PLD1: variants seen among roughly 807,000 people sequenced by gnomAD.
The protein encoded by PLD1 is choline phosphatase 1.
PLD1 carries 112 observed loss-of-function variants against 137.1 expected under a neutral mutation model. That is an observed-to-expected ratio of 0.82 (90% CI 0.70 to 0.96). The LOEUF is 0.96. Among genes scored for constraint, PLD1 ranks in the 40% least tolerant of loss-of-function variants. The probability of loss-of-function intolerance (pLI) is 0.00; values close to 1 mark genes in which losing one functional copy is unlikely to be tolerated. For missense variants in PLD1, 1,321 were observed against 1,342.0 expected (o/e 0.98, Z 0.24); for synonymous variants, 431 against 454.7 (o/e 0.95, Z 0.66).
intron 26 of PLD1, 133 bp from the exon 27 acceptor site, chr3:171,603,435 G>A: frequency 1.6e-6 from 1 of 641,264 alleles, no homozygotes; most frequent in Non-Finnish European, 2.7e-6. Context: ...TTACAGCACA[G>A]ACCTGATTTA....
intron 21 of PLD1, among the ~76,000 whole-genome samples, chr3:171,652,155 T>C (rs1211338436): frequency 6.6e-6 from 1 of 152,062 alleles, no homozygotes; most frequent in African/African-American, 2.4e-5. Context: ...GGCTCATGCC[T>C]GTAATCCCAG....
At chr3:171,619,482 C>A (rs1367297848) in intron 24 of PLD1, among the ~76,000 whole-genome samples, 1 of 152,148 alleles carries the variant, frequency 6.6e-6, no homozygotes, top group African/African-American at 2.4e-5. Context: ...TAGTGCAGGG[C>A]TACATCCTAT....
At chr3:171,783,704 A>G (rs7638225) in intron 1 of PLD1, among the ~76,000 whole-genome samples, 124,500 of 152,076 alleles carry the variant, frequency 0.82, 51,283 homozygotes, top group Middle Eastern at 0.94. Flanking sequence ...GTACAGTAGT[A>G]CAATCACGGT....
At chr3:171,784,368 A>AG (rs1722909337) in intron 1 of PLD1, among the ~76,000 whole-genome samples, 2 of 149,988 alleles carry the variant, frequency 1.3e-5, no homozygotes, top group South Asian at 2.1e-4. Context: ...CATTCTCAGA[A>AG]GGAAAAAAAA....
chr3:171,779,964 A>G (rs1199218421), intron 1 of PLD1, among the ~76,000 whole-genome samples: 1 of 151,624 alleles, frequency 6.6e-6, no homozygotes, highest in Non-Finnish European at 1.5e-5. Context: ...GGGTTAGGAT[A>G]TGTAAGTCTG....
intron 13 of PLD1, among the ~76,000 whole-genome samples, chr3:171,689,242 T>A (rs371210168): frequency 3.9e-5 from 6 of 152,074 alleles, no homozygotes; most frequent in African/African-American, 1.4e-4. Context: ...ATTTAACTAC[T>A]ATTTATCTCT....
rs1195724806 is a variant in PLD1 at position 171,612,497 on chromosome 3, C to T, written c.2729-65G>A. On this transcript the variant is annotated intron_variant, in intron 24 of 26. Coordinates refer to ENST00000351298, the MANE Select transcript of PLD1 (RefSeq NM_002662.5). This position sits in a 1 kb window ranked among gnomAD's most constrained non-coding sequence, Gnocchi z 4.1. ...GTGGCAGACACTGTTGGTTGCCCTC[C>T]CAACTCAATTCATCCTTGCAAACAA... is the stretch of plus-strand genomic sequence containing the variant. The T allele has an allele frequency of 7.5e-6, 11 of 1,458,018 alleles. No individual in the cohort carries two copies. The highest frequency in any genetic ancestry group is 1.1e-5 in the Non-Finnish European group (11 of 1,043,722). The allele number at this position is 1,458,018 out of a possible 1,614,324, so 90.3% of individuals were successfully genotyped here.
Position 171,686,771 on chromosome 3 carries a change from T to C in PLD1, c.1781A>G (p.His594Arg), listed in dbSNP as rs1453292556. 6.3e-7 allele frequency: 1 copy of C among 1,583,778 alleles called. No individual in the cohort carries two copies. The highest frequency in any genetic ancestry group is 1.1e-5 in the South Asian group (1 of 90,462). Residue 594 changes from histidine (H) to arginine (R), a missense_variant, in exon 16 of 27, where the codon CAC becomes CGC. Transcript: ENST00000351298. ...SSYFNHYRSH[H>R]NLIHGLKPHF... ...GGGTTTTAAACCATGGATTAAATTGTGATGACTTCTATAGTGATTAAAATA... is the reference window on the plus strand; with the variant it reads ...GGGTTTTAAACCATGGATTAAATTGCGATGACTTCTATAGTGATTAAAATA...
chr3:171,779,583 G>A (rs1722710731), intron 1 of PLD1, among the ~76,000 whole-genome samples: 1 of 152,194 alleles, frequency 6.6e-6, no homozygotes, highest in Non-Finnish European at 1.5e-5. Flanking sequence ...TAAGTTTGAG[G>A]CTTGGATACA....
intron 7 of PLD1, 42 bp from the exon 8 acceptor site, chr3:171,724,830 C>T (rs1718384222): frequency 2.5e-6 from 3 of 1,223,072 alleles, no homozygotes; most frequent in Non-Finnish European, 3.6e-6. Flanking sequence ...TCAAATTTCC[C>T]ACTCCCACTT....
intron 1 of PLD1, among the ~76,000 whole-genome samples, chr3:171,748,154 T>A (rs970345283): frequency 6.6e-6 from 1 of 152,208 alleles, no homozygotes; most frequent in African/African-American, 2.4e-5. Flanking sequence ...TTCCTGCCCC[T>A]GTAAATGACA....
chr3:171,646,207 C>T (rs1292784439), intron 21 of PLD1, among the ~76,000 whole-genome samples: 1 of 152,200 alleles, frequency 6.6e-6, no homozygotes, highest in African/African-American at 2.4e-5. Context: ...GTGACATACA[C>T]TGTGATCAAT....
intron 1 of PLD1, among the ~76,000 whole-genome samples, chr3:171,759,695 T>C (rs888044978): frequency 2.0e-5 from 3 of 152,278 alleles, no homozygotes; most frequent in African/African-American, 7.2e-5. Flanking sequence ...TTTGTGTTTA[T>C]ACACATACCG....
chr3:171,729,241 T>C (rs1718755896), intron 6 of PLD1, among the ~76,000 whole-genome samples: 1 of 152,182 alleles, frequency 6.6e-6, no homozygotes, highest in South Asian at 2.1e-4. Context: ...AAGGAATTTG[T>C]AAAATATGAA....
chr3:171,664,556 C>G (rs960120614), intron 19 of PLD1, among the ~76,000 whole-genome samples: 6 of 151,512 alleles, frequency 4.0e-5, no homozygotes, highest in Admixed American at 2.6e-4. Context: ...CTCCTGGGAT[C>G]AAGTGATTCT....
Position 171,750,807 on chromosome 3 carries a change from G to C in PLD1, c.-31-12725C>G, listed in dbSNP as rs528145123. On this transcript the variant is annotated intron_variant, in intron 1 of 26. Transcript: ENST00000351298. ...TGCTTTTCCTCAAAGGAAATCTACT[G>C]ATTCAAATTCCTAAGAATTTCTTAC... 7.2e-5 allele frequency among the ~76,000 whole-genome samples: 11 copies of C among 152,256 alleles called. No homozygotes were observed. The South Asian group carries it at 2.3e-3, about 32-fold the overall frequency.
chr3:171,688,760 T>C lies in PLD1; in HGVS notation c.1455A>G (p.Gly485=), dbSNP rs1287359713. ...GTCTGTGCTCATTGTCGTCCCACCT[T>C]CCATAGGCCAGGTCAATCCCTCCCA... The part of the protein sequence containing the change: ...AFVGGIDLAY[G]RWDDNEHRLT... Residue 485 remains glycine, a synonymous_variant, in exon 14 of 27, where the codon GGA becomes GGG. Transcript: ENST00000351298. The C allele has an allele frequency of 6.2e-7, 1 of 1,613,992 alleles. No homozygotes were observed. Among genetic ancestry groups the C allele is most frequent in the Non-Finnish European group, 8.5e-7 (1 of 1,179,994 alleles).
rs753887668 is a variant in PLD1, at chr3:171,605,287, C to T, written c.3000+12G>A. Reference sequence around the variant, plus strand: ...TGAAAAGAAACGGAGGAGGGGAATACGTGAACTTCACCTTGTCATAAATTG... The same window carrying T: ...TGAAAAGAAACGGAGGAGGGGAATATGTGAACTTCACCTTGTCATAAATTG... On this transcript the variant is annotated intron_variant, in intron 26 of 26. Transcript: ENST00000351298. 31 of 1,432,652 alleles carry T rather than the reference C, an allele frequency of 2.2e-5. No homozygotes were observed. The South Asian group carries it at 2.7e-4, about 13-fold the overall frequency. 88.7% of individuals were successfully genotyped at this position (1,432,652 alleles called of 1,614,324 possible). A position where few individuals can be genotyped will look rare whatever the true frequency, so the allele number is the denominator to read the frequency against.
intron 12 of PLD1, among the ~76,000 whole-genome samples, chr3:171,695,386 G>A (rs1004270415): frequency 2.0e-5 from 3 of 152,196 alleles, no homozygotes; most frequent in African/African-American, 7.2e-5. Flanking sequence ...AAAACAGATG[G>A]CCTGGAGTTG....
Sources: gnomAD v4.1 joint callset for allele counts (sites outside exome capture counted in the v4.1 genomes callset) on GRCh38, gnomAD v4.1.1 for gene constraint, Gnocchi (gnomAD v3.1) non-coding constraint, MANE v1.5 for transcripts, NCBI Gene and HGNC (gene_info 2026-07-23, HGNC 2026-07-21) for gene names.